The following MLPH variants were observed in gnomAD, a reference collection of about 807,000 sequenced individuals.
The protein encoded by MLPH is exophilin-3.
In MLPH, 51 loss-of-function variants were observed where a neutral mutation model predicts 72.1. The observed-to-expected ratio is 0.71, with a 90% CI of 0.56 to 0.89. MLPH has a LOEUF of 0.89. Among genes scored for constraint, MLPH ranks in the 40% least tolerant of loss-of-function variants. MLPH has a pLI of 0.00. For synonymous variants in MLPH, 301 were observed against 310.1 expected (o/e 0.97, Z 0.31); for missense variants, 743 against 759.9 (o/e 0.98, Z 0.26).
chr2:237,510,753 C>T lies in MLPH; in HGVS notation c.290C>T (p.Pro97Leu), dbSNP rs554114795. Residue 97 changes from proline to leucine, a missense_variant, in exon 3 of 16, where the codon CCG becomes CTG. Coordinates refer to ENST00000264605, the MANE Select transcript of MLPH (RefSeq NM_024101.7). The surrounding 1 kb of genome is among the most constrained non-coding windows in gnomAD (Gnocchi z 4.4). ...FTCKSCGRVH[P>L]EEQGWICDPC... ...TGCAAAAGCTGTGGCCGCGTCCACC[C>T]GGAGGAGCAGGGCTGGATCTGTGAC... is the stretch of plus-strand genomic sequence containing the variant. The T allele has an allele frequency of 4.3e-6, 7 of 1,613,634 alleles. No homozygotes were observed. Among genetic ancestry groups the T allele is most frequent in the Middle Eastern group, 1.7e-4 (1 of 6,010 alleles).
At chr2:237,550,659 C>CCTGCCT (rs1387408352) in intron 14 of MLPH, among the ~76,000 whole-genome samples, 1 of 152,186 alleles carries the variant, frequency 6.6e-6, no homozygotes, top group Non-Finnish European at 1.5e-5. Context: ...AAGTGATTCT[C>CCTGCCT]CTGCCTCTGC....
intron 13 of MLPH, among the ~76,000 whole-genome samples, chr2:237,548,565 C>T (rs2080965993): frequency 6.6e-6 from 1 of 152,140 alleles, no homozygotes; most frequent in South Asian, 2.1e-4. Flanking sequence ...GACCGAGGTT[C>T]AGAGAGGGTA....
chr2:237,541,363 G>A lies in MLPH; in HGVS notation c.1446+406G>A, dbSNP rs2080680958. On this transcript the variant is annotated intron_variant, in intron 11 of 15. Coordinates refer to ENST00000264605, the MANE Select transcript of MLPH (RefSeq NM_024101.7). This position sits in a 1 kb window ranked among gnomAD's most constrained non-coding sequence, Gnocchi z 5.1. ...TTGTGGCTGCAGAGCTTGAATCTGG[G>A]TGAGGAACCCATCAATAGTGCACAA... 6.6e-6 allele frequency among the ~76,000 whole-genome samples: 1 copy of A among 152,206 alleles called. No homozygotes were observed. Among genetic ancestry groups the A allele is most frequent in the South Asian group, 2.1e-4 (1 of 4,832 alleles).
intron 1 of MLPH, among the ~76,000 whole-genome samples, chr2:237,488,506 G>A (rs2079365316): frequency 1.3e-5 from 2 of 152,120 alleles, no homozygotes; most frequent in South Asian, 4.1e-4. Flanking sequence ...TAAGGCCTCA[G>A]CCTTCCTGGG....
chr2:237,505,800 G>A lies in MLPH; in HGVS notation c.111-4774G>A, dbSNP rs1007048983. ...TGCCGGGCCTCCCTTGAGGACAGGA[G>A]TGCCCCCTTGGCTCTGTTCTGCCCC... On this transcript the variant is annotated intron_variant, in intron 2 of 15. Transcript: ENST00000264605. This position sits in a 1 kb window ranked among gnomAD's most constrained non-coding sequence, Gnocchi z 4.5. Among the ~76,000 whole-genome samples, 1 of 151,982 alleles carries A rather than the reference G, an allele frequency of 6.6e-6. No homozygotes were observed. Among genetic ancestry groups the A allele is most frequent in the African/African-American group, 2.4e-5 (1 of 41,232 alleles).
In MLPH at chr2:237,519,834, G is replaced by GT. The variant is rs199628031; in HGVS notation, c.556-76_556-75insT. 6.9e-4 allele frequency: 1,105 copies of GT among 1,608,298 alleles called. 10 individuals carry two copies. The African/African-American group carries it at 0.013, about 18-fold the overall frequency. ...CCTCTGGGGGCTGAGTGTGGGGTTG[G>GT]GGAGGTGCAGGGTATTTGGTCCTCT... On this transcript the variant is annotated intron_variant, in intron 5 of 15. Transcript: ENST00000264605.
chr2:237,527,040 T>C (rs147655750), intron 7 of MLPH, among the ~76,000 whole-genome samples: 34 of 152,336 alleles, frequency 2.2e-4, no homozygotes, highest in African/African-American at 7.9e-4. Flanking sequence ...AAAATGTGGC[T>C]TGAAACAACA....
At chr2:237,526,841 A>C (rs1445319491) in intron 7 of MLPH, among the ~76,000 whole-genome samples, 1 of 152,204 alleles carries the variant, frequency 6.6e-6, no homozygotes, top group African/African-American at 2.4e-5. Flanking sequence ...TCAATAATGC[A>C]ACATCCAATC....
chr2:237,509,697 T>C (rs1230881167), intron 2 of MLPH, among the ~76,000 whole-genome samples: 1 of 152,142 alleles, frequency 6.6e-6, no homozygotes, highest in African/African-American at 2.4e-5. Flanking sequence ...AACATTTTTG[T>C]AAATAGTGGA....
rs921975183 is a variant in MLPH, at chr2:237,493,630, G to A, written c.110+94G>A. The stretch of plus-strand genomic sequence containing the variant: ...GCTGTCTGGGTGGGTCAACAGCCAC[G>A]TGCAGGGTGAAGAGTGATGGACAGG... On this transcript the variant is annotated intron_variant, in intron 2 of 15. Transcript: ENST00000264605. 99 of 884,298 alleles carry A rather than the reference G, an allele frequency of 1.1e-4. 1 individual carries two copies. Among genetic ancestry groups the A allele is most frequent in the Admixed American group, 7.2e-4 (41 of 57,130 alleles). The allele number at this position is 884,298 out of a possible 1,614,324, so 54.8% of individuals were successfully genotyped here.
chr2:237,531,279 C>A (rs1249930739), intron 8 of MLPH, among the ~76,000 whole-genome samples: 2 of 135,904 alleles, frequency 1.5e-5, no homozygotes, highest in South Asian at 2.7e-4. Flanking sequence ...CATCCAGGGA[C>A]CTGTGGATGC....
chr2:237,541,151 T>C lies in MLPH; in HGVS notation c.1446+194T>C, dbSNP rs892497348. ...GGGACTCACCTAATTCGCCACCCCC[T>C]GAGCCCTCCACCCCTTCCCTTTTTC... On this transcript the variant is annotated intron_variant, in intron 11 of 15. Transcript: ENST00000264605. This position sits in a 1 kb window ranked among gnomAD's most constrained non-coding sequence, Gnocchi z 5.1. 1.3e-5 allele frequency among the ~76,000 whole-genome samples: 2 copies of C among 152,158 alleles called. No individual in the cohort carries two copies. The highest frequency in any genetic ancestry group is 4.8e-5 in the African/African-American group (2 of 41,444).
At chr2:237,487,489 CG>C (rs2079339818) in intron 1 of MLPH, 52 bp downstream of exon 1, 1 of 152,944 alleles carries the variant, frequency 6.5e-6, no homozygotes, top group Admixed American at 6.5e-5. Flanking sequence ...GCCCAGGACT[CG>C]GGGCTTAGGC....
Position 237,549,260 on chromosome 2 carries a change from A to G in MLPH, c.1657A>G (p.Asn553Asp), listed in dbSNP as rs1346392187. 1 of 1,614,116 alleles carries G rather than the reference A, an allele frequency of 6.2e-7. No individual in the cohort carries two copies. Among genetic ancestry groups the G allele is most frequent in the Non-Finnish European group, 8.5e-7 (1 of 1,179,960 alleles). ...VPYLLRRKFS[N>D]SLKSQGKDDD... ...CTATCTTCTGAGAAGAAAGTTCAGT[A>G]ATTCCCTGAAAAGTCAAGGTAAGAG... The change falls in exon 14 of 16, where the codon AAT (asparagine) becomes GAT (aspartate). Residue 553 changes from asparagine (N) to aspartate (D), a missense_variant. Physicochemically the swap from Asn to Asp is conservative, Grantham distance 23. Transcript: ENST00000264605.
rs930820056 is a variant in MLPH, at chr2:237,541,297, C to T, written c.1446+340C>T. Among the ~76,000 whole-genome samples the T allele has an allele frequency of 6.6e-6, 1 of 152,190 alleles. No individual in the cohort carries two copies. Among genetic ancestry groups the T allele is most frequent in the Non-Finnish European group, 1.5e-5 (1 of 68,036 alleles). ...TGGAATTTAGGACAGCCCCAGACCT[C>T]AGCACTGGACTCTGTCCGGAGGGCC... On this transcript the variant is annotated intron_variant, in intron 11 of 15. Coordinates refer to ENST00000264605, the MANE Select transcript of MLPH (RefSeq NM_024101.7). The surrounding 1 kb of genome is among the most constrained non-coding windows in gnomAD (Gnocchi z 5.1).
chr2:237,519,707 C>T (rs186621451), intron 5 of MLPH, among the ~76,000 whole-genome samples: 6 of 152,260 alleles, frequency 3.9e-5, no homozygotes, highest in Admixed American at 1.3e-4. Flanking sequence ...GGATGGGCAC[C>T]GTGAGCACCA....
chr2:237,505,463 C>G lies in MLPH; in HGVS notation c.111-5111C>G, dbSNP rs945498725. Reference sequence around the variant, plus strand: ...AACGCAAGTGGAGGCCCACAGGACCCCTCATGCAGGCTCTTCCCCCGCCTG... The same window carrying G: ...AACGCAAGTGGAGGCCCACAGGACCGCTCATGCAGGCTCTTCCCCCGCCTG... On this transcript the variant is annotated intron_variant, in intron 2 of 15. Coordinates refer to ENST00000264605, the MANE Select transcript of MLPH (RefSeq NM_024101.7). This position sits in a 1 kb window ranked among gnomAD's most constrained non-coding sequence, Gnocchi z 4.5. 6.6e-6 allele frequency among the ~76,000 whole-genome samples: 1 copy of G among 152,196 alleles called. No homozygotes were observed. The highest frequency in any genetic ancestry group is 1.5e-5 in the Non-Finnish European group (1 of 68,030).
At chr2:237,539,266 T>C (rs1240505163) in intron 9 of MLPH, among the ~76,000 whole-genome samples, 6 of 152,054 alleles carry the variant, frequency 3.9e-5, no homozygotes, top group South Asian at 2.1e-4. Context: ...GAGAAGGCGG[T>C]GGTCGAACCG....
chr2:237,507,005 C>G (rs899670094), intron 2 of MLPH, among the ~76,000 whole-genome samples: 17 of 146,484 alleles, frequency 1.2e-4, no homozygotes, highest in African/African-American at 4.3e-4. Context: ...TGTGTTGTTA[C>G]AACATGAAAA....
Sources: allele counts gnomAD v4.1 joint callset (sites outside exome capture counted in the v4.1 genomes callset), GRCh38; gene constraint gnomAD v4.1.1; non-coding constraint Gnocchi (gnomAD v3.1); transcripts MANE v1.5; gene names NCBI Gene and HGNC (gene_info 2026-07-23, HGNC 2026-07-21).